Variants in IL1RAPL1 observed in about 807,000 individuals in gnomAD.
IL1RAPL1 encodes the protein interleukin-1 receptor accessory protein-like 1.
A neutral mutation model predicts 48.4 loss-of-function variants in IL1RAPL1; 3 were observed. The observed-to-expected ratio is 0.06, with a 90% CI of 0.03 to 0.16. The LOEUF (loss-of-function observed/expected upper bound fraction) is 0.16. IL1RAPL1 is among the 10% of genes least tolerant of loss of function. The pLI, the probability that IL1RAPL1 is intolerant of heterozygous loss-of-function variation, is 1.00. For synonymous variants in IL1RAPL1, 185 were observed against 187.7 expected, an observed-to-expected ratio of 0.99 and a Z score of 0.12; for missense variants, 349 against 530.6, an observed-to-expected ratio of 0.66 and a Z score of 3.36.
At chrX:28,812,340 A>G in intron 2 of IL1RAPL1, among the ~76,000 whole-genome samples, 1 of 111,028 alleles carries the variant, frequency 9.0e-6, no homozygotes, top group Non-Finnish European at 1.9e-5. Flanking sequence ...TCTCTGATAA[A>G]TAATTTTAAA....
chrX:28,919,123 C>T (rs948061342), intron 2 of IL1RAPL1, among the ~76,000 whole-genome samples: 3 of 111,194 alleles, frequency 2.7e-5, no homozygotes, highest in African/African-American at 9.8e-5. Flanking sequence ...AATAACTGCG[C>T]GAGTGATATA....
chrX:28,668,978 G>C (rs779861963), intron 1 of IL1RAPL1, among the ~76,000 whole-genome samples: 21 of 111,765 alleles, frequency 1.9e-4, no homozygotes, highest in Non-Finnish European at 3.8e-4. Context: ...CAGTGGTTAA[G>C]AGGATTAAAT....
At chrX:28,745,947 CT>C (rs1306408064) in intron 1 of IL1RAPL1, among the ~76,000 whole-genome samples, 1 of 111,187 alleles carries the variant, frequency 9.0e-6, no homozygotes. Flanking sequence ...CTAGGACAAA[CT>C]TTTTTTTAAG....
At chrX:29,243,848 A>G (rs140124426) in intron 2 of IL1RAPL1, among the ~76,000 whole-genome samples, 496 of 111,253 alleles carry the variant, frequency 4.5e-3, no homozygotes, top group Middle Eastern at 0.014. Flanking sequence ...TCAGCTCTTT[A>G]TGCCTTTTGA....
chrX:29,795,259 C>T (rs996272597), intron 6 of IL1RAPL1, among the ~76,000 whole-genome samples: 1 of 111,731 alleles, frequency 9.0e-6, no homozygotes, highest in Non-Finnish European at 1.9e-5. Flanking sequence ...TATCTCTATA[C>T]ACATATCATT....
chrX:29,052,142 C>A (rs948084714), intron 2 of IL1RAPL1, among the ~76,000 whole-genome samples: 1 of 111,578 alleles, frequency 9.0e-6, no homozygotes, highest in Non-Finnish European at 1.9e-5. Context: ...TGAACTATAC[C>A]AAATCAAACA....
At chrX:29,099,536 C>T (rs1163254561) in intron 2 of IL1RAPL1, among the ~76,000 whole-genome samples, 1 of 112,006 alleles carries the variant, frequency 8.9e-6, no homozygotes, top group Non-Finnish European at 1.9e-5. Context: ...AGGCAAGTTT[C>T]ATAGCTTAAA....
At chrX:28,753,075 T>G (rs1936062225) in intron 1 of IL1RAPL1, among the ~76,000 whole-genome samples, 1 of 112,053 alleles carries the variant, frequency 8.9e-6, no homozygotes. Flanking sequence ...TGCCTATTTG[T>G]GCAGATAAAG....
At chrX:29,803,646 C>A (rs150424834) in intron 6 of IL1RAPL1, among the ~76,000 whole-genome samples, 2 of 102,092 alleles carry the variant, frequency 2.0e-5, no homozygotes, top group Non-Finnish European at 4.0e-5. Context: ...TATATATACA[C>A]GCGTGTATAT....
intron 6 of IL1RAPL1, among the ~76,000 whole-genome samples, chrX:29,878,149 CT>C (rs1307881571): frequency 1.8e-5 from 2 of 111,983 alleles, no homozygotes. Flanking sequence ...AGATATGGTA[CT>C]GAATGCTAGC....
At chrX:29,429,630 C>T (rs764581954) in intron 5 of IL1RAPL1, among the ~76,000 whole-genome samples, 2 of 110,954 alleles carry the variant, frequency 1.8e-5, no homozygotes, top group East Asian at 5.7e-4. Flanking sequence ...AGGATAGAGA[C>T]ATGAAGAAAA....
chrX:29,632,165 T>A (rs1172379495), intron 5 of IL1RAPL1, among the ~76,000 whole-genome samples: 1 of 109,944 alleles, frequency 9.1e-6, no homozygotes, highest in African/African-American at 3.3e-5. Context: ...TTTTTTTTTT[T>A]TGAGACAGAG....
chrX:29,534,727 G>T (rs1205124293), intron 5 of IL1RAPL1, among the ~76,000 whole-genome samples: 7 of 110,593 alleles, frequency 6.3e-5, no homozygotes, highest in Non-Finnish European at 1.3e-4. Context: ...CCAGCACTTT[G>T]GGAGGCCGAA....
chrX:29,295,137 A>C lies in IL1RAPL1; in HGVS notation c.362+11920A>C, dbSNP rs886071585. Among the ~76,000 whole-genome samples, 3 of 112,036 alleles carry C rather than the reference A, an allele frequency of 2.7e-5. No individual in the cohort carries two copies. The South Asian group carries it at 1.1e-3, about 42-fold the overall frequency. On this transcript the variant is annotated intron_variant, in intron 3 of 10. Transcript: ENST00000378993. Reference sequence around the variant, plus strand: ...ATTCAAGGTCATTTTTGGAAGAAAAAAATCCATGAGAGATGATACTTGATT... The same window carrying C: ...ATTCAAGGTCATTTTTGGAAGAAAACAATCCATGAGAGATGATACTTGATT...
At chrX:29,871,211 T>C (rs1001159317) in intron 6 of IL1RAPL1, among the ~76,000 whole-genome samples, 1 of 111,934 alleles carries the variant, frequency 8.9e-6, no homozygotes, top group Non-Finnish European at 1.9e-5. Context: ...AAAGGACCAA[T>C]GTGATTAGAT....
intron 2 of IL1RAPL1, among the ~76,000 whole-genome samples, chrX:29,174,856 C>G (rs1387207448): frequency 9.0e-6 from 1 of 110,983 alleles, no homozygotes; most frequent in African/African-American, 3.3e-5. Flanking sequence ...GGGTGGATCA[C>G]GAGGTCAGGG....
intron 1 of IL1RAPL1, among the ~76,000 whole-genome samples, chrX:28,715,610 A>G (rs908194172): frequency 7.2e-5 from 8 of 111,540 alleles, no homozygotes; most frequent in Non-Finnish European, 1.5e-4. Context: ...GGACATAGAC[A>G]CCCTCCCAAG....
At chrX:29,829,155 T>TACACACACACACAC (rs57560936) in intron 6 of IL1RAPL1, among the ~76,000 whole-genome samples, 13 of 61,884 alleles carry the variant, frequency 2.1e-4, no homozygotes, top group African/African-American at 4.7e-4. Flanking sequence ...GACAAAAACC[T>TACACACACACACAC]ACACACACAC....
intron 2 of IL1RAPL1, among the ~76,000 whole-genome samples, chrX:29,245,092 G>T (rs763395186): frequency 9.0e-6 from 1 of 110,977 alleles, no homozygotes; most frequent in Non-Finnish European, 1.9e-5. Context: ...ATGTCCCTGC[G>T]AAGGACATGA....
Sources: allele counts gnomAD v4.1 joint callset (sites outside exome capture counted in the v4.1 genomes callset), GRCh38; gene constraint gnomAD v4.1.1; transcripts MANE v1.5; gene names NCBI Gene and HGNC (gene_info 2026-07-23, HGNC 2026-07-21).